PRKN: variants seen among roughly 807,000 people sequenced by gnomAD.
PRKN encodes the protein parkin RBR E3 ubiquitin protein ligase, also known as E3 ubiquitin-protein ligase parkin.
PRKN carries 56 observed loss-of-function variants against 59.5 expected under a neutral mutation model. The observed-to-expected ratio is 0.94, with a 90% CI of 0.76 to 1.18. PRKN has a LOEUF of 1.18. PRKN is among the 50% of genes most tolerant of loss of function. The pLI, the probability that PRKN is intolerant of heterozygous loss-of-function variation, is 0.00. For missense variants in PRKN, 657 were observed against 596.4 expected (o/e 1.10, Z -1.06); for synonymous variants, 250 against 222.1 (o/e 1.13, Z -1.12).
intron 2 of PRKN, among the ~76,000 whole-genome samples, chr6:162,324,242 G>A (rs1194195575): frequency 6.6e-6 from 1 of 152,126 alleles, no homozygotes; most frequent in South Asian, 2.1e-4. Flanking sequence ...AACTAATCTA[G>A]AGTGGCAGGA....
At chr6:162,719,559 A>G (rs2128240247) in intron 1 of PRKN, among the ~76,000 whole-genome samples, 1 of 152,286 alleles carries the variant, frequency 6.6e-6, no homozygotes, top group East Asian at 1.9e-4. Context: ...AAAAATTGTA[A>G]TCAGGACTGG....
chr6:162,353,325 C>T (rs1482932630), intron 2 of PRKN, among the ~76,000 whole-genome samples: 4 of 150,864 alleles, frequency 2.7e-5, no homozygotes, highest in Admixed American at 6.6e-5. Flanking sequence ...ATCTTTCTCT[C>T]GAATAGGCAG....
chr6:162,299,092 G>A (rs1026723456), intron 2 of PRKN, among the ~76,000 whole-genome samples: 4 of 152,190 alleles, frequency 2.6e-5, no homozygotes, highest in Admixed American at 2.6e-4. Flanking sequence ...TTGCTCTTGG[G>A]GAAAGCTGCA....
intron 7 of PRKN, among the ~76,000 whole-genome samples, chr6:161,591,155 A>G (rs1781707925): frequency 6.6e-6 from 1 of 152,234 alleles, no homozygotes; most frequent in African/African-American, 2.4e-5. Context: ...ATATATGCAC[A>G]TATGTACACA....
At chr6:162,217,412 C>T (rs1777730435) in intron 3 of PRKN, among the ~76,000 whole-genome samples, 1 of 152,182 alleles carries the variant, frequency 6.6e-6, no homozygotes, top group South Asian at 2.1e-4. Context: ...ACACAGTCTC[C>T]CTCTGTTGCC....
At chr6:161,743,320 T>C (rs1049640061) in intron 7 of PRKN, among the ~76,000 whole-genome samples, 8 of 146,764 alleles carry the variant, frequency 5.5e-5, no homozygotes, top group South Asian at 2.2e-4. Flanking sequence ...CCCGGGTTCA[T>C]GCCATTCTCC....
intron 7 of PRKN, among the ~76,000 whole-genome samples, chr6:161,754,852 T>C (rs1257190811): frequency 1.3e-5 from 2 of 152,258 alleles, no homozygotes; most frequent in African/African-American, 2.4e-5. Context: ...TTAGCCTCTT[T>C]AGTGTGTTAC....
intron 4 of PRKN, among the ~76,000 whole-genome samples, chr6:162,159,513 T>A (rs2849577): frequency 4.6e-5 from 7 of 152,094 alleles, no homozygotes; most frequent in African/African-American, 1.7e-4. Context: ...AAATTCAATA[T>A]TGTTCAGATC....
rs113477605 is a variant in PRKN at position 161,892,302 on chromosome 6, ACACCTGGTATCC to A, written c.734+80988_734+80999del. Among the ~76,000 whole-genome samples, 70 of 151,992 alleles carry A rather than the reference ACACCTGGTATCC, an allele frequency of 4.6e-4. 1 individual carries two copies. Among genetic ancestry groups the A allele is most frequent in the African/African-American group, 1.5e-3 (62 of 41,428 alleles). On this transcript the variant is annotated intron_variant, in intron 6 of 11. Transcript: ENST00000366898. ...ATCTTTGGACCAGCCACAGTGGTTC[ACACCTGGTATCC>A]CAGCACTTAGAGAGACCAAAGCAAG...
chr6:161,776,540 T>C (rs1341083187), intron 7 of PRKN, among the ~76,000 whole-genome samples: 1 of 152,226 alleles, frequency 6.6e-6, no homozygotes, highest in Non-Finnish European at 1.5e-5. Context: ...AGACTCCCAT[T>C]GAAAATGCCT....
chr6:162,497,474 A>G (rs1793119353), intron 1 of PRKN, among the ~76,000 whole-genome samples: 1 of 152,240 alleles, frequency 6.6e-6, no homozygotes, highest in Admixed American at 6.5e-5. Flanking sequence ...TTTGCATATG[A>G]GCAAATTGGC....
chr6:161,552,330 C>A lies in PRKN; in HGVS notation c.934-3327G>T, dbSNP rs376596613. ...CTCCCTCAGCTCTGTTCACCTCCGC[C>A]TATGACTGTGAATGATCTCACGGTG... On this transcript the variant is annotated intron_variant, in intron 8 of 11. Coordinates refer to ENST00000366898, the MANE Select transcript of PRKN (RefSeq NM_004562.3). This position sits in a 1 kb window ranked among gnomAD's most constrained non-coding sequence, Gnocchi z 4.9. Among the ~76,000 whole-genome samples the A allele has an allele frequency of 5.6e-3, 828 of 146,830 alleles. 32 individuals carry two copies. The highest frequency in any genetic ancestry group is 0.02 in the African/African-American group (751 of 37,932).
Position 161,357,399 on chromosome 6 carries a change from C to A in PRKN, c.1285+2689G>T, listed in dbSNP as rs1784802480. Among the ~76,000 whole-genome samples the A allele has an allele frequency of 2.6e-5, 4 of 152,174 alleles. No individual in the cohort carries two copies. Among genetic ancestry groups the A allele is most frequent in the Admixed American group, 2.6e-4 (4 of 15,282 alleles). On this transcript the variant is annotated intron_variant, in intron 11 of 11. Transcript: ENST00000366898. This position sits in a 1 kb window ranked among gnomAD's most constrained non-coding sequence, Gnocchi z 5.5. Reference sequence around the variant, plus strand: ...CAAACTGCCACCACCAGAGTCTGGGCTACCGAGGAGGCCACTAAGGCATGG... The same window carrying A: ...CAAACTGCCACCACCAGAGTCTGGGATACCGAGGAGGCCACTAAGGCATGG...
At chr6:161,745,258 AG>A (rs1176997949) in intron 7 of PRKN, among the ~76,000 whole-genome samples, 2 of 152,186 alleles carry the variant, frequency 1.3e-5, no homozygotes, top group Non-Finnish European at 2.9e-5. Flanking sequence ...ATGTTTCCAG[AG>A]GGGGCCCTCA....
At chr6:161,430,757 G>A (rs1788602379) in intron 9 of PRKN, among the ~76,000 whole-genome samples, 1 of 141,412 alleles carries the variant, frequency 7.1e-6, no homozygotes, top group South Asian at 2.2e-4. Flanking sequence ...GGAGCTTGCA[G>A]TGAGCCAAGA....
Position 161,592,474 on chromosome 6 carries a change from G to A in PRKN, c.872-23058C>T, listed in dbSNP as rs1781758884. On this transcript the variant is annotated intron_variant, in intron 7 of 11. Transcript: ENST00000366898. The surrounding 1 kb of genome is among the most constrained non-coding windows in gnomAD (Gnocchi z 4.8). ...TTGATGATATTAATGTTCTGATTAT[G>A]CCTATATTCCTTCTACAAATATATA... Among the ~76,000 whole-genome samples the A allele has an allele frequency of 6.6e-6, 1 of 152,130 alleles. No individual in the cohort carries two copies. Among genetic ancestry groups the A allele is most frequent in the South Asian group, 2.1e-4 (1 of 4,830 alleles).
At chr6:162,682,587 T>G (rs1045127268) in intron 1 of PRKN, among the ~76,000 whole-genome samples, 1 of 151,938 alleles carries the variant, frequency 6.6e-6, no homozygotes, top group Non-Finnish European at 1.5e-5. Context: ...GAACAACAGG[T>G]ACTGGGGCCT....
At chr6:162,492,348 A>G (rs1792854897) in intron 1 of PRKN, among the ~76,000 whole-genome samples, 1 of 152,192 alleles carries the variant, frequency 6.6e-6, no homozygotes, top group African/African-American at 2.4e-5. Flanking sequence ...CCAACCATTC[A>G]ATGCAGGCTG....
chr6:162,522,059 G>C (rs1778098628), intron 1 of PRKN, among the ~76,000 whole-genome samples: 1 of 152,172 alleles, frequency 6.6e-6, no homozygotes. Context: ...CAACCTGATA[G>C]TTTTCTTTGA....
Sources: gnomAD v4.1 joint callset for allele counts (sites outside exome capture counted in the v4.1 genomes callset) on GRCh38, gnomAD v4.1.1 for gene constraint, Gnocchi (gnomAD v3.1) non-coding constraint, MANE v1.5 for transcripts, NCBI Gene and HGNC (gene_info 2026-07-23, HGNC 2026-07-21) for gene names.